Variants in PLPPR1 observed in about 807,000 individuals in gnomAD.
PLPPR1 encodes phospholipid phosphatase related 1, also known as phospholipid phosphatase-related protein type 1.
A neutral mutation model predicts 33.1 loss-of-function variants in PLPPR1; 10 were observed. The ratio of observed to expected loss-of-function variants is 0.30; its 90% confidence interval spans 0.19 to 0.51. The LOEUF is 0.51. PLPPR1 is among the 20% of genes least tolerant of loss of function. PLPPR1 has a pLI of 0.97. For synonymous variants in PLPPR1, 151 were observed against 151.0 expected (o/e 1.00, Z 0.00); for missense variants, 304 against 408.1 (o/e 0.74, Z 2.20).
At chr9:101,130,321 C>A (rs1831299318) in intron 1 of PLPPR1, among the ~76,000 whole-genome samples, 1 of 152,126 alleles carries the variant, frequency 6.6e-6, no homozygotes, top group African/African-American at 2.4e-5. Context: ...AGATTGGGGG[C>A]ATTCAGGTCA....
chr9:101,093,158 C>G (rs917068040), intron 1 of PLPPR1, among the ~76,000 whole-genome samples: 2 of 152,160 alleles, frequency 1.3e-5, no homozygotes, highest in Non-Finnish European at 2.9e-5. Flanking sequence ...GAGTCATTTT[C>G]AAATTTGATA....
In PLPPR1 at chr9:101,324,226, T is replaced by A; in HGVS notation, c.*169T>A. 1 of 127,478 alleles carries A rather than the reference T, an allele frequency of 7.8e-6. No individual in the cohort carries two copies. The highest frequency in any genetic ancestry group is 1.2e-5 in the Non-Finnish European group (1 of 81,132). 7.9% of individuals were successfully genotyped at this position (127,478 alleles called of 1,614,324 possible). On this transcript the variant is annotated 3_prime_UTR_variant, in exon 8 of 8. Coordinates refer to ENST00000374874, the MANE Select transcript of PLPPR1 (RefSeq NM_207299.2). Reference sequence around the variant, plus strand: ...AGGAAGTGATGTAGCTTGCCCTGATTTTTTTTTTTTTTTTTTGGTCAGCTT... The same window carrying A: ...AGGAAGTGATGTAGCTTGCCCTGATATTTTTTTTTTTTTTTTGGTCAGCTT...
intron 1 of PLPPR1, among the ~76,000 whole-genome samples, chr9:101,174,927 C>A (rs891129065): frequency 6.6e-6 from 1 of 152,136 alleles, no homozygotes; most frequent in Non-Finnish European, 1.5e-5. Flanking sequence ...GTGGAAATAA[C>A]CAATTCTGTA....
chr9:101,210,173 G>A (rs1826663814), intron 2 of PLPPR1, among the ~76,000 whole-genome samples: 1 of 152,192 alleles, frequency 6.6e-6, no homozygotes, highest in Non-Finnish European at 1.5e-5. Context: ...ACAATATACA[G>A]TGGCATTTTG....
intron 2 of PLPPR1, among the ~76,000 whole-genome samples, chr9:101,267,882 T>A (rs983971985): frequency 2.6e-5 from 4 of 152,200 alleles, no homozygotes; most frequent in Non-Finnish European, 4.4e-5. Context: ...CAAACTTCTG[T>A]CTGGTTTTGT....
chr9:101,157,161 T>C (rs1333576508), intron 1 of PLPPR1, among the ~76,000 whole-genome samples: 1 of 152,200 alleles, frequency 6.6e-6, no homozygotes, highest in Non-Finnish European at 1.5e-5. Flanking sequence ...CAGCTTACAC[T>C]TTTTGGTCCC....
chr9:101,321,887 A>G, intron 7 of PLPPR1, among the ~76,000 whole-genome samples: 1 of 136,048 alleles, frequency 7.4e-6, no homozygotes, highest in Non-Finnish European at 1.7e-5. Flanking sequence ...CTGGTGCCTT[A>G]CTTTCTTCAT....
intron 1 of PLPPR1, among the ~76,000 whole-genome samples, chr9:101,043,927 T>C (rs1159968599): frequency 6.6e-6 from 1 of 152,186 alleles, no homozygotes. Context: ...TTCATGTTTT[T>C]GGCCATCTTC....
At chr9:101,241,107 A>ATG (rs750075495) in intron 2 of PLPPR1, among the ~76,000 whole-genome samples, 1 of 152,044 alleles carries the variant, frequency 6.6e-6, no homozygotes, top group Non-Finnish European at 1.5e-5. Flanking sequence ...AGATGGTTGT[A>ATG]TGTCTTGTGT....
At chr9:101,095,701 G>A (rs900040943) in intron 1 of PLPPR1, among the ~76,000 whole-genome samples, 3 of 152,010 alleles carry the variant, frequency 2.0e-5, no homozygotes, top group Non-Finnish European at 4.4e-5. Context: ...AGTAAGTGGT[G>A]GAACCGAGAT....
intron 2 of PLPPR1, among the ~76,000 whole-genome samples, chr9:101,187,042 C>T (rs768673918): frequency 1.8e-4 from 27 of 151,760 alleles, no homozygotes; most frequent in Non-Finnish European, 3.1e-4. Flanking sequence ...GTTCTGGTTA[C>T]GATTCTTCTT....
intron 2 of PLPPR1, among the ~76,000 whole-genome samples, chr9:101,266,644 A>C (rs1828004914): frequency 6.6e-6 from 1 of 152,172 alleles, no homozygotes; most frequent in Non-Finnish European, 1.5e-5. Flanking sequence ...GTTCTCTCTG[A>C]ATGCTGCTTC....
chr9:101,173,102 A>T lies in PLPPR1; in HGVS notation c.-45-12348A>T, dbSNP rs1000963469. ...AACAAACCCATAAAGAATAATCTAC[A>T]TCTAAGAGTAAACTTTTATTTCATG... On this transcript the variant is annotated intron_variant, in intron 1 of 7. Coordinates refer to ENST00000374874, the MANE Select transcript of PLPPR1 (RefSeq NM_207299.2). Among the ~76,000 whole-genome samples, 4 of 152,128 alleles carry T rather than the reference A, an allele frequency of 2.6e-5. 1 individual carries two copies. The highest frequency in any genetic ancestry group is 2.6e-4 in the Admixed American group (4 of 15,254).
chr9:101,253,134 T>C (rs528479840), intron 2 of PLPPR1, among the ~76,000 whole-genome samples: 9 of 152,242 alleles, frequency 5.9e-5, no homozygotes, highest in Admixed American at 2.6e-4. Context: ...GCAAAATTAT[T>C]ACACTGATAG....
intron 6 of PLPPR1, among the ~76,000 whole-genome samples, chr9:101,314,168 A>G (rs1435995430): frequency 6.6e-6 from 1 of 152,220 alleles, no homozygotes; most frequent in African/African-American, 2.4e-5. Flanking sequence ...CCAAGGAGAA[A>G]GAAGCCATCA....
At chr9:101,145,030 G>A (rs1274108643) in intron 1 of PLPPR1, among the ~76,000 whole-genome samples, 1 of 152,058 alleles carries the variant, frequency 6.6e-6, no homozygotes, top group African/African-American at 2.4e-5. Context: ...GTCTTTCTGT[G>A]CCTGGCTTAT....
chr9:101,312,463 C>T (rs1011066349), intron 5 of PLPPR1, among the ~76,000 whole-genome samples: 1 of 152,034 alleles, frequency 6.6e-6, no homozygotes, highest in Admixed American at 6.6e-5. Flanking sequence ...TTTCTTATAC[C>T]CCAAATGATA....
At chr9:101,203,758 G>GATATGTT in intron 2 of PLPPR1, among the ~76,000 whole-genome samples, 1 of 41,760 alleles carries the variant, frequency 2.4e-5, no homozygotes, top group Non-Finnish European at 7.9e-5. Context: ...TATATAGACA[G>GATATGTT]ATATATAACT....
chr9:101,049,748 T>C (rs1830196032), intron 1 of PLPPR1, among the ~76,000 whole-genome samples: 1 of 152,062 alleles, frequency 6.6e-6, no homozygotes, highest in African/African-American at 2.4e-5. Context: ...TCTATTTTTG[T>C]ATAAAAACAA....
Sources: gnomAD v4.1 joint callset for allele counts (sites outside exome capture counted in the v4.1 genomes callset) on GRCh38, gnomAD v4.1.1 for gene constraint, MANE v1.5 for transcripts, NCBI Gene and HGNC (gene_info 2026-07-23, HGNC 2026-07-21) for gene names.